Variants in AGRN observed in about 807,000 individuals in gnomAD.
AGRN encodes the protein agrin.
A neutral mutation model predicts 211.0 loss-of-function variants in AGRN; 106 were observed. The observed-to-expected ratio is 0.50, with a 90% CI of 0.43 to 0.59. AGRN has a LOEUF of 0.59. AGRN is among the 20% of genes least tolerant of loss of function. The pLI is 0.00. For missense variants in AGRN, 3,040 were observed against 2,982.6 expected (o/e 1.02, Z -0.45); for synonymous variants, 1,525 against 1,332.5 (o/e 1.14, Z -3.15).
At position 1,051,952 on chromosome 1, in the gene AGRN, C is replaced by T. The variant is rs772787517; in HGVS notation, c.5651+137C>T. 2.6e-5 allele frequency: 41 copies of T among 1,548,186 alleles called. 1 individual carries two copies. The Middle Eastern group carries it at 6.7e-4, about 25-fold the overall frequency. The stretch of plus-strand genomic sequence containing the variant: ...GTCCTCCCGCCTCTCTCTCACCTCC[C>T]GGTCCTCCCGCCTCTCACTGTCTGT... On this transcript the variant is annotated intron_variant, in intron 33 of 35. Transcript: ENST00000379370.
At chr1:1,047,132 G>A (rs1340157334) in intron 19 of AGRN, 175 bp downstream of exon 19, 29 of 1,367,614 alleles carry the variant, frequency 2.1e-5, no homozygotes, top group Non-Finnish European at 2.5e-5. Context: ...TTGCAAGCCG[G>A]TGTGGCACAC....
chr1:1,042,502 G>A (rs1307052120), intron 7 of AGRN, among the ~76,000 whole-genome samples: 2 of 152,172 alleles, frequency 1.3e-5, no homozygotes, highest in Non-Finnish European at 2.9e-5. Flanking sequence ...CCTCACTCTT[G>A]GGACATGGGC....
chr1:1,047,203 C>T, intron 19 of AGRN, 124 bp from the exon 20 acceptor site: 3 of 1,474,058 alleles, frequency 2.0e-6, no homozygotes, highest in Non-Finnish European at 2.7e-6. Flanking sequence ...CCACTAACCT[C>T]ATGACCATCT....
In AGRN at chr1:1,035,168, GT is replaced by G. The variant is rs1404671014; in HGVS notation, c.464-108del. 9.8e-3 allele frequency: 10,374 copies of G among 1,056,716 alleles called. 71 individuals carry two copies. The highest frequency in any genetic ancestry group is 0.044 in the South Asian group (3,283 of 75,366). 65.5% of individuals were successfully genotyped at this position (1,056,716 alleles called of 1,614,324 possible). A position where few individuals can be genotyped will look rare whatever the true frequency, so the allele number is the denominator to read the frequency against. ...GCAGCCTGGATCCCTGGGGCTAGCG[GT>G]GGGGGGGGGGGGGTGGGCAGGGGTG... is the stretch of plus-strand genomic sequence containing the variant. On this transcript the variant is annotated intron_variant, in intron 2 of 35. Transcript: ENST00000379370.
Position 1,041,295 on chromosome 1 carries a change from G to T in AGRN, c.850G>T (p.Val284Phe), listed in dbSNP as rs1644928833. Residue 284 changes from valine (V) to phenylalanine (F), a missense_variant, in exon 5 of 36, where the codon GTC becomes TTC. By Grantham distance (50) the Val-to-Phe change is conservative (BLOSUM62 -1). This residue lies in a region of AGRN where 1,498 missense variants were observed against 1,457.8 expected (regional missense o/e 1.03). Transcript: ENST00000379370. ...ATCRGAPEGT[V>F]CGSDGADYPG... is the part of the protein sequence containing the mutation. ...CTGCCGTGGCGCCCCCGAGGGGACCGTCTGCGGCAGCGACGGCGCCGACTA... is the reference window on the plus strand; with the variant it reads ...CTGCCGTGGCGCCCCCGAGGGGACCTTCTGCGGCAGCGACGGCGCCGACTA... The T allele has an allele frequency of 1.3e-6, 2 of 1,516,922 alleles. No homozygotes were observed. Among genetic ancestry groups the T allele is most frequent in the Non-Finnish European group, 1.8e-6 (2 of 1,138,372 alleles). The allele number at this position is 1,516,922 out of a possible 1,614,324, so 94.0% of individuals were successfully genotyped here.
rs1340781215 is a variant in AGRN at position 1,040,703 on chromosome 1, G to C, written c.550G>C (p.Glu184Gln). ...GMLCGFGAVC[E>Q]PNAEGPGRAS... ...GCTGTGCGGCTTCGGCGCCGTGTGCGAGCCCAACGCGGAGGGGCCGGGCCG... is the reference window on the plus strand; with the variant it reads ...GCTGTGCGGCTTCGGCGCCGTGTGCCAGCCCAACGCGGAGGGGCCGGGCCG... Residue 184 changes from glutamate (E) to glutamine (Q), a missense_variant, in exon 4 of 36, where the codon GAG becomes CAG. Physicochemically the swap from Glu to Gln is conservative, Grantham distance 29. This residue lies in a region of AGRN where 1,498 missense variants were observed against 1,457.8 expected (regional missense o/e 1.03). Transcript: ENST00000379370. 6.5e-7 allele frequency: 1 copy of C among 1,547,570 alleles called. No homozygotes were observed. Among genetic ancestry groups the C allele is most frequent in the Non-Finnish European group, 8.7e-7 (1 of 1,146,888 alleles).
chr1:1,027,967 G>A (rs368269059), intron 2 of AGRN, among the ~76,000 whole-genome samples: 19 of 152,280 alleles, frequency 1.2e-4, no homozygotes, highest in South Asian at 4.1e-4. Context: ...CGGCCGCCCC[G>A]GCCCACAGCA....
intron 3 of AGRN, among the ~76,000 whole-genome samples, chr1:1,036,096 C>T (rs535958881): frequency 1.2e-4 from 19 of 152,220 alleles, no homozygotes; most frequent in African/African-American, 4.6e-4. Flanking sequence ...CACTTGCGTT[C>T]AGTTGTGTGT....
In AGRN at chr1:1,048,707, C is replaced by T. The variant is rs890091203; in HGVS notation, c.4106-160C>T. On this transcript the variant is annotated intron_variant, in intron 23 of 35. Coordinates refer to ENST00000379370, the MANE Select transcript of AGRN (RefSeq NM_198576.4). The surrounding 1 kb of genome is among the most constrained non-coding windows in gnomAD (Gnocchi z 5.9). ...GCTTGAACCTGGCAGGCGGAGGTTG[C>T]GGTGAGCCAGGATCGCGCCACTGCA... is the stretch of plus-strand genomic sequence containing the variant. 5.2e-5 allele frequency: 45 copies of T among 858,882 alleles called. No homozygotes were observed. Among genetic ancestry groups the T allele is most frequent in the South Asian group, 4.3e-4 (23 of 54,104 alleles). 53.2% of individuals were successfully genotyped at this position (858,882 alleles called of 1,614,324 possible). A position where few individuals can be genotyped will look rare whatever the true frequency, so the allele number is the denominator to read the frequency against.
intron 2 of AGRN, among the ~76,000 whole-genome samples, chr1:1,025,243 C>G (rs1644494344): frequency 6.6e-6 from 1 of 152,178 alleles, no homozygotes; most frequent in South Asian, 2.1e-4. Flanking sequence ...CCCGGCCCTG[C>G]CCAGCTCTGA....
chr1:1,023,824 C>T (rs538741202), intron 2 of AGRN, among the ~76,000 whole-genome samples: 22 of 152,198 alleles, frequency 1.4e-4, no homozygotes, highest in South Asian at 1.2e-3. Flanking sequence ...AGTGCCCAGG[C>T]GGAGCAGAGC....
rs372048253 is a variant in AGRN at position 1,043,324 on chromosome 1, C to T, written c.1470C>T (p.Cys490=). 2.0e-5 allele frequency: 33 copies of T among 1,610,100 alleles called. No individual in the cohort carries two copies. The African/African-American group carries it at 4.1e-4, about 20-fold the overall frequency. The change falls in exon 8 of 36, where the codon TGC becomes TGT. Residue 490 remains cysteine (C), a synonymous_variant. Transcript: ENST00000379370. ...AGAACGGGCAGGCAGCGTGTGAATG[C>T]CTGCAGGCGTGCTCGAGCCTCTACG... ...AVKNGQAACE[C]LQACSSLYDP...
chr1:1,036,731 C>T (rs1053475598), intron 3 of AGRN, among the ~76,000 whole-genome samples: 22 of 152,160 alleles, frequency 1.4e-4, no homozygotes, highest in African/African-American at 5.3e-4. Context: ...CCCCACCAGG[C>T]TGTTCCTATG....
rs745919357 is a variant in AGRN at position 1,050,306 on chromosome 1, G to T, written c.4953G>T (p.Leu1651=). The T allele has an allele frequency of 1.2e-6, 2 of 1,613,008 alleles. No homozygotes were observed. The highest frequency in any genetic ancestry group is 2.2e-5 in the South Asian group (2 of 91,086). ...TCTCCCACCTGGAGCTGAGAGGCCT[G>T]CACACCTTTGCACGGGACCTGGGGT... ...NGFSHLELRG[L]HTFARDLGEK... Residue 1651 remains leucine, a synonymous_variant, in exon 28 of 36, where the codon CTG becomes CTT. Coordinates refer to ENST00000379370, the MANE Select transcript of AGRN (RefSeq NM_198576.4).
At position 1,020,442 on chromosome 1, in the gene AGRN, C is replaced by T. The variant is rs1384419188; in HGVS notation, c.201+69C>T. 9 of 1,428,628 alleles carry T rather than the reference C, an allele frequency of 6.3e-6. No homozygotes were observed. In the South Asian group the frequency reaches 6.5e-5, roughly 10 times the overall value. The allele number at this position is 1,428,628 out of a possible 1,614,324, so 88.5% of individuals were successfully genotyped here. On this transcript the variant is annotated intron_variant, in intron 1 of 35. Transcript: ENST00000379370. ...CCCCGCCGGGACCCCCGCCCCAGGC[C>T]GTGGGAACCAGCCCCGGTCGCTCCG...
chr1:1,027,985 G>T (rs1407925437), intron 2 of AGRN, among the ~76,000 whole-genome samples: 2 of 152,184 alleles, frequency 1.3e-5, no homozygotes, highest in South Asian at 4.1e-4. Context: ...GCAGCTGGTG[G>T]GGAGGGGCTG....
At chr1:1,034,581 A>T in intron 2 of AGRN, 1 of 986,224 alleles carries the variant, frequency 1.0e-6, no homozygotes, top group South Asian at 4.7e-5. Flanking sequence ...CTGGCGCGGG[A>T]CACCCGGCAG....
At position 1,043,632 on chromosome 1, in the gene AGRN, G is replaced by C. The variant is rs1378205021; in HGVS notation, c.1698G>C (p.Val566=). ...PSECVALAQP[V]CGSDGHTYPS... ...AATGCGTGGCTTTGGCCCAGCCCGTGTGTGGCTCCGACGGGCACACGTACC... is the reference window on the plus strand; with the variant it reads ...AATGCGTGGCTTTGGCCCAGCCCGTCTGTGGCTCCGACGGGCACACGTACC... Residue 566 remains valine (V), a synonymous_variant, in exon 9 of 36, where the codon GTG becomes GTC. Coordinates refer to ENST00000379370, the MANE Select transcript of AGRN (RefSeq NM_198576.4). 4.4e-6 allele frequency: 7 copies of C among 1,603,270 alleles called. No individual in the cohort carries two copies. Among genetic ancestry groups the C allele is most frequent in the Non-Finnish European group, 5.9e-6 (7 of 1,179,758 alleles).
rs1339623466 is a variant in AGRN at position 1,040,840 on chromosome 1, C to T, written c.687C>T (p.Ser229=). ...GCGAGCTGCAGCGGGCGCAGTGCAG[C>T]CAGCAGCGCCGCATCCGCCTGCTCA... ...NECELQRAQC[S]QQRRIRLLSR... Residue 229 remains serine (S), a synonymous_variant, in exon 4 of 36, where the codon AGC becomes AGT. Coordinates refer to ENST00000379370, the MANE Select transcript of AGRN (RefSeq NM_198576.4). 6.5e-7 allele frequency: 1 copy of T among 1,533,224 alleles called. No individual in the cohort carries two copies. The highest frequency in any genetic ancestry group is 1.2e-5 in the South Asian group (1 of 83,852). The allele number at this position is 1,533,224 out of a possible 1,614,324, so 95.0% of individuals were successfully genotyped here. A position where few individuals can be genotyped will look rare whatever the true frequency, so the allele number is the denominator to read the frequency against.
Sources: gnomAD v4.1 joint callset for allele counts (sites outside exome capture counted in the v4.1 genomes callset) on GRCh38, gnomAD v4.1.1 for gene constraint, gnomAD v4.1.1 regional missense constraint, Gnocchi (gnomAD v3.1) non-coding constraint, MANE v1.5 for transcripts, NCBI Gene and HGNC (gene_info 2026-07-23, HGNC 2026-07-21) for gene names.